The following GAS7 variants were observed in gnomAD, a reference collection of about 807,000 sequenced individuals.
The protein encoded by GAS7 is growth arrest specific 7, also known as growth arrest-specific protein 7.
In GAS7, 28 loss-of-function variants were observed where a neutral mutation model predicts 71.1. That is an observed-to-expected ratio of 0.39 (90% CI 0.29 to 0.54). The LOEUF is 0.54. Ranked by LOEUF, GAS7 falls within the 20% of genes least tolerant of loss-of-function variation. The pLI is 0.62. For synonymous variants in GAS7, 258 were observed against 245.8 expected (o/e 1.05, Z -0.46); for missense variants, 436 against 627.8 (o/e 0.69, Z 3.27).
chr17:10,141,701 G>A (rs561686829), intron 1 of GAS7, among the ~76,000 whole-genome samples: 3 of 152,034 alleles, frequency 2.0e-5, no homozygotes, highest in African/African-American at 7.2e-5. Context: ...AAATGGCCTT[G>A]GGCAAGTTCT....
At chr17:10,198,060 G>T (rs2074553830) in intron 1 of GAS7, 148 bp downstream of exon 1, 3 of 685,182 alleles carry the variant, frequency 4.4e-6, no homozygotes, top group South Asian at 3.7e-5. Flanking sequence ...CCCCAGGAGC[G>T]TGGAGCTACA....
intron 1 of GAS7, among the ~76,000 whole-genome samples, chr17:10,150,607 T>TTTTTTTTTA (rs1555537609): frequency 1.4e-4 from 21 of 150,216 alleles, no homozygotes; most frequent in Non-Finnish European, 2.7e-4. Flanking sequence ...TTTTTTTTTT[T>TTTTTTTTTA]AGACAGGGTC....
intron 5 of GAS7, among the ~76,000 whole-genome samples, chr17:9,948,515 T>C (rs113227272): frequency 1.3e-5 from 2 of 152,158 alleles, no homozygotes; most frequent in African/African-American, 4.8e-5. Context: ...AAACCCCTTC[T>C]CTACTAAAAA....
At chr17:10,197,465 C>T (rs1021591000) in intron 1 of GAS7, among the ~76,000 whole-genome samples, 1 of 152,192 alleles carries the variant, frequency 6.6e-6, no homozygotes, top group African/African-American at 2.4e-5. Context: ...ACTGCGAGCT[C>T]AGTGATTAGA....
chr17:10,129,684 T>C (rs1347491548), intron 1 of GAS7, among the ~76,000 whole-genome samples: 1 of 152,220 alleles, frequency 6.6e-6, no homozygotes, highest in Non-Finnish European at 1.5e-5. Context: ...TACTAACTTT[T>C]GTGTTCCAAA....
rs372781858 is a variant in GAS7, at chr17:9,998,984, G to A, written c.305-17100C>T. ...AGACTGACATCTGGAAAATTCTTCG[G>A]TGACCATGTTGAACTGTAGCTTTTT... On this transcript the variant is annotated intron_variant, in intron 2 of 13. Transcript: ENST00000432992. Among the ~76,000 whole-genome samples the A allele has an allele frequency of 1.8e-4, 28 of 152,290 alleles. No homozygotes were observed. In the South Asian group the frequency reaches 5.6e-3, roughly 30 times the overall value.
At chr17:10,013,625 C>T (rs558750153) in intron 2 of GAS7, among the ~76,000 whole-genome samples, 16 of 152,364 alleles carry the variant, frequency 1.1e-4, no homozygotes, top group African/African-American at 2.6e-4. Context: ...ATGAAAGCAA[C>T]GGCATTACTG....
chr17:9,917,189 C>T lies in GAS7; in HGVS notation c.*39G>A, dbSNP rs542641805. On this transcript the variant is annotated 3_prime_UTR_variant, in exon 14 of 14. Transcript: ENST00000432992. ...GGGCCCCATGGTGGGAGCCCAGCCC[C>T]CCTCCCCAGCAGGACCCCCCGAAGC... 88 of 1,216,956 alleles carry T rather than the reference C, an allele frequency of 7.2e-5. 3 individuals carry two copies. In the South Asian group the frequency reaches 1.0e-3, roughly 14 times the overall value. 75.4% of individuals were successfully genotyped at this position (1,216,956 alleles called of 1,614,324 possible).
chr17:10,003,628 T>C (rs1362700689), intron 2 of GAS7, among the ~76,000 whole-genome samples: 3 of 152,208 alleles, frequency 2.0e-5, no homozygotes, highest in Admixed American at 6.5e-5. Flanking sequence ...GGCACGCAGA[T>C]AGGCATTAAC....
chr17:10,005,050 T>TATATATAC lies in GAS7; in HGVS notation c.304+14726_304+14727insGTATATAT, dbSNP rs1296844463. Among the ~76,000 whole-genome samples, 97 of 150,156 alleles carry TATATATAC rather than the reference T, an allele frequency of 6.5e-4. 1 individual carries two copies. Among genetic ancestry groups the TATATATAC allele is most frequent in the African/African-American group, 2.2e-3 (88 of 40,142 alleles). On this transcript the variant is annotated intron_variant, in intron 2 of 13. Transcript: ENST00000432992. ...CTCTCTATATATACATACATATATA[T>TATATATAC]ACACATATATGTGTGTATGCACGCA... is the stretch of plus-strand genomic sequence containing the variant.
intron 1 of GAS7, among the ~76,000 whole-genome samples, chr17:10,167,999 T>C (rs756263162): frequency 8.5e-5 from 13 of 152,152 alleles, no homozygotes; most frequent in Non-Finnish European, 1.6e-4. Context: ...GCACCTGGCC[T>C]CTCACTACAT....
intron 1 of GAS7, among the ~76,000 whole-genome samples, chr17:10,118,539 C>G (rs1295391661): frequency 6.6e-6 from 1 of 152,046 alleles, no homozygotes; most frequent in Non-Finnish European, 1.5e-5. Flanking sequence ...GGTAAAACCC[C>G]GTCTCTACTA....
At chr17:9,927,457 G>A (rs2068050112) in intron 9 of GAS7, among the ~76,000 whole-genome samples, 1 of 151,338 alleles carries the variant, frequency 6.6e-6, no homozygotes, top group South Asian at 2.1e-4. Flanking sequence ...TTCAGCCTGG[G>A]TGACAGAGTG....
intron 9 of GAS7, among the ~76,000 whole-genome samples, chr17:9,927,797 C>T (rs1026656560): frequency 6.6e-6 from 1 of 152,176 alleles, no homozygotes; most frequent in Non-Finnish European, 1.5e-5. Context: ...AGACAGGGTC[C>T]AAACCTCGAG....
At position 9,959,167 on chromosome 17, in the gene GAS7, G is replaced by A. The variant is rs774212856; in HGVS notation, c.525+35C>T. 6.2e-7 allele frequency: 1 copy of A among 1,608,404 alleles called. No homozygotes were observed. The highest frequency in any genetic ancestry group is 1.1e-5 in the South Asian group (1 of 90,740). Reference sequence around the variant, plus strand: ...GCCCAGCCAAATGCCCCAGCTCGCAGCCCACCCTGAGGGCGCCCCTCGGGA... The same window carrying A: ...GCCCAGCCAAATGCCCCAGCTCGCAACCCACCCTGAGGGCGCCCCTCGGGA... On this transcript the variant is annotated intron_variant, in intron 5 of 13. Transcript: ENST00000432992. The surrounding 1 kb of genome is among the most constrained non-coding windows in gnomAD (Gnocchi z 5.0).
At chr17:10,108,439 C>T (rs1168463036) in intron 1 of GAS7, among the ~76,000 whole-genome samples, 1 of 152,216 alleles carries the variant, frequency 6.6e-6, no homozygotes, top group Non-Finnish European at 1.5e-5. Context: ...GTATGCTTAA[C>T]TTATTGCTGT....
rs1249449074 is a variant in GAS7, at chr17:10,103,683, G to A, written c.184-83786C>T. On this transcript the variant is annotated intron_variant, in intron 1 of 13. Transcript: ENST00000432992. The surrounding 1 kb of genome is among the most constrained non-coding windows in gnomAD (Gnocchi z 5.5). ...TCTACCAAAAATACAAAAATTAGCT[G>A]GGTGTGGTGGCACATGCCTGTAATC... Among the ~76,000 whole-genome samples, 1 of 152,018 alleles carries A rather than the reference G, an allele frequency of 6.6e-6. No individual in the cohort carries two copies. The highest frequency in any genetic ancestry group is 6.6e-5 in the Admixed American group (1 of 15,248).
intron 1 of GAS7, among the ~76,000 whole-genome samples, chr17:10,076,218 GGGGGAGGGGAGA>G (rs1421442903): frequency 1.2e-3 from 106 of 91,680 alleles, no homozygotes; most frequent in Non-Finnish European, 1.3e-3. Flanking sequence ...GGGAGGGGGA[GGGGGAGGGGAGA>G]GGGAGAGGGA....
intron 1 of GAS7, among the ~76,000 whole-genome samples, chr17:10,074,029 C>T (rs1486678668): frequency 2.0e-5 from 3 of 152,190 alleles, no homozygotes; most frequent in Non-Finnish European, 4.4e-5. Context: ...TGAATGACCC[C>T]AGCCCTGTCC....
Sources: gnomAD v4.1 joint callset for allele counts (sites outside exome capture counted in the v4.1 genomes callset) on GRCh38, gnomAD v4.1.1 for gene constraint, Gnocchi (gnomAD v3.1) non-coding constraint, MANE v1.5 for transcripts, NCBI Gene and HGNC (gene_info 2026-07-23, HGNC 2026-07-21) for gene names.